The following KIF7 variants were observed in gnomAD, a reference collection of about 807,000 sequenced individuals.
The protein encoded by KIF7 is kinesin family member 7, also known as kinesin-like protein KIF7.
KIF7 carries 104 observed loss-of-function variants against 135.7 expected under a neutral mutation model. The observed-to-expected ratio is 0.77, with a 90% CI of 0.65 to 0.90. KIF7 has a LOEUF of 0.90. Among genes scored for constraint, KIF7 ranks in the 40% least tolerant of loss-of-function variants. KIF7 has a pLI of 0.00. For missense variants in KIF7, 2,005 were observed against 1,839.1 expected, an observed-to-expected ratio of 1.09 and a Z score of -1.65; for synonymous variants, 883 against 809.4, an observed-to-expected ratio of 1.09 and a Z score of -1.54.
chr15:89,633,131 C>T lies in KIF7; in HGVS notation c.2718+10G>A. 6.2e-7 allele frequency: 1 copy of T among 1,602,058 alleles called. No individual in the cohort carries two copies. On this transcript the variant is annotated intron_variant, in intron 13 of 18. Coordinates refer to ENST00000394412, the MANE Select transcript of KIF7 (RefSeq NM_198525.3). ...GGGGAGCCCTGGGTGCGGACACAGC[C>T]TGGCCCCACCTGCTGCTGTTCCAGG...
chr15:89,626,430 C>G (rs778439405), downstream of KIF7, among the ~76,000 whole-genome samples: 64 of 152,206 alleles, frequency 4.2e-4, no homozygotes, highest in Non-Finnish European at 5.3e-4. Flanking sequence ...TCCGCATGTT[C>G]TGTATATTCG....
At chr15:89,624,003 A>G (rs1241396976), downstream of KIF7, 1 of 1,613,634 alleles carries the variant, frequency 6.2e-7, no homozygotes, top group South Asian at 1.1e-5. Flanking sequence ...CTCCAACTTC[A>G]TCGACTGCCC....
chr15:89,656,631 G>C (rs372226735), upstream of KIF7, among the ~76,000 whole-genome samples: 1 of 152,172 alleles, frequency 6.6e-6, no homozygotes, highest in Admixed American at 6.5e-5. Context: ...GCTTCATAGA[G>C]GAGAGGCTGG....
At chr15:89,634,929 C>G (rs1018294264) in intron 11 of KIF7, among the ~76,000 whole-genome samples, 3 of 152,224 alleles carry the variant, frequency 2.0e-5, no homozygotes, top group African/African-American at 7.2e-5. Context: ...ATGTCCCTGT[C>G]TGACAGCTTT....
At chr15:89,630,165 T>C in intron 16 of KIF7, 122 bp downstream of exon 16, 1 of 900,300 alleles carries the variant, frequency 1.1e-6, no homozygotes, top group Non-Finnish European at 1.8e-6. Flanking sequence ...GCAGATGAGT[T>C]GGTCCTGATT....
the KIF7 span, among the ~76,000 whole-genome samples, chr15:89,661,468 G>A: frequency 3.2e-4 from 49 of 152,186 alleles, no homozygotes; most frequent in Non-Finnish European, 5.6e-4. Context: ...TGGGGATGGG[G>A]AGGGATTGTG....
At chr15:89,661,579 C>T in the KIF7 span, among the ~76,000 whole-genome samples, 1 of 152,250 alleles carries the variant, frequency 6.6e-6, no homozygotes, top group Non-Finnish European at 1.5e-5. Context: ...GCTGACCACA[C>T]AGTCTTGGTC....
chr15:89,635,019 C>T (rs1228169851), intron 11 of KIF7, among the ~76,000 whole-genome samples: 1 of 152,220 alleles, frequency 6.6e-6, no homozygotes, highest in Non-Finnish European at 1.5e-5. Context: ...GTTCCTGACC[C>T]CTGACCTCCG....
rs201519024 is a variant in KIF7 at position 89,628,709 on chromosome 15, G to A, written c.3742C>T (p.Leu1248Phe). The A allele has an allele frequency of 8.7e-6, 14 of 1,613,092 alleles. No individual in the cohort carries two copies. Among genetic ancestry groups the A allele is most frequent in the Non-Finnish European group, 1.0e-5 (12 of 1,179,936 alleles). ...NEDELHLAPE[L>F]LWLSPLTEGA... ...TCAGTGAGGGGGGACAGCCAGAGAA[G>A]CTCGGGTGCCAGGTGGAGCTCATCT... Residue 1248 changes from leucine (L) to phenylalanine (F), a missense_variant, in exon 19 of 19, where the codon CTT (leucine) becomes TTT (phenylalanine). Leu to Phe is a conservative substitution (Grantham distance 22). Coordinates refer to ENST00000394412, the MANE Select transcript of KIF7 (RefSeq NM_198525.3).
At chr15:89,624,759 A>C (rs373826766), downstream of KIF7, 33 of 1,614,106 alleles carry the variant, frequency 2.0e-5, no homozygotes, top group Non-Finnish European at 2.7e-5. Flanking sequence ...GTAACGTCTT[A>C]TCAGTGGAAG....
At chr15:89,625,451 C>G, downstream of KIF7, 1 of 1,613,994 alleles carries the variant, frequency 6.2e-7, no homozygotes, top group Non-Finnish European at 8.5e-7. Context: ...GGGAGCCTGT[C>G]ACTGCTTGAG....
intron 14 of KIF7, 148 bp from the exon 15 acceptor site, chr15:89,631,858 A>G: frequency 1.4e-6 from 1 of 695,594 alleles, no homozygotes; most frequent in East Asian, 2.7e-5. Flanking sequence ...GACCAGACTT[A>G]GTTCACAGAG....
At chr15:89,621,982 C>T (rs867052240) in intron 1 of KIF7, among the ~76,000 whole-genome samples, 5 of 87,742 alleles carry the variant, frequency 5.7e-5, no homozygotes, top group East Asian at 3.0e-4. Context: ...CAAACTGACT[C>T]TTTTTTTTTT....
chr15:89,645,214 A>T, intron 9 of KIF7, 49 bp from the exon 10 acceptor site: 2 of 1,602,298 alleles, frequency 1.2e-6, no homozygotes, highest in Non-Finnish European at 1.7e-6. Context: ...ACAGTGGGGG[A>T]GACAGAGGAG....
At chr15:89,662,960 G>A in the KIF7 span, among the ~76,000 whole-genome samples, 2 of 152,190 alleles carry the variant, frequency 1.3e-5, no homozygotes, top group African/African-American at 4.8e-5. Flanking sequence ...TCCATATGCG[G>A]CCTCCAGCAC....
intron 7 of KIF7, 140 bp from the exon 8 acceptor site, chr15:89,646,166 C>G (rs1964009833): frequency 1.8e-6 from 2 of 1,111,688 alleles, no homozygotes; most frequent in African/African-American, 3.1e-5. Context: ...TGGCAGCCTT[C>G]TGAATCTCAA....
chr15:89,623,329 T>C (rs1596059430), downstream of KIF7, among the ~76,000 whole-genome samples: 1 of 152,184 alleles, frequency 6.6e-6, no homozygotes, highest in African/African-American at 2.4e-5. Flanking sequence ...GTAGCTGCAG[T>C]GGTAGAATGA....
the KIF7 span, among the ~76,000 whole-genome samples, chr15:89,661,325 TTAAA>T: frequency 1.1e-3 from 166 of 152,218 alleles, no homozygotes; most frequent in Non-Finnish European, 2.0e-3. Context: ...ATAATCACAC[TTAAA>T]TAAAGCTCAA....
chr15:89,648,755 C>T lies in KIF7; in HGVS notation c.943G>A (p.Gly315Ser). ...KITRILKDSL[G>S]GNAKTVMIAC... ...ATCATCACCGTCTTGGCGTTCCCGC[C>T]CAGCGAGTCTTTGAGGATCCTGAGG... The change falls in exon 5 of 19, where the codon GGC becomes AGC. Residue 315 changes from glycine (G) to serine (S), a missense_variant. Gly to Ser is a moderately conservative substitution (Grantham distance 56). Coordinates refer to ENST00000394412, the MANE Select transcript of KIF7 (RefSeq NM_198525.3). The T allele has an allele frequency of 6.5e-7, 1 of 1,535,344 alleles. No individual in the cohort carries two copies. Among genetic ancestry groups the T allele is most frequent in the South Asian group, 1.2e-5 (1 of 84,018 alleles).
Sources: allele counts gnomAD v4.1 joint callset (sites outside exome capture counted in the v4.1 genomes callset), GRCh38; gene constraint gnomAD v4.1.1; transcripts MANE v1.5; gene names NCBI Gene and HGNC (gene_info 2026-07-23, HGNC 2026-07-21).